CDH12: variants seen among roughly 807,000 people sequenced by gnomAD.
CDH12 encodes the protein cadherin-12.
CDH12 carries 41 observed loss-of-function variants against 74.1 expected under a neutral mutation model. The observed-to-expected ratio is 0.55, with a 90% CI of 0.43 to 0.72. The LOEUF (loss-of-function observed/expected upper bound fraction) is 0.72, where lower values mean the gene tolerates loss of function less well. Ranked by LOEUF, CDH12 falls within the 30% of genes least tolerant of loss-of-function variation. The pLI is 0.00. For missense variants in CDH12, 945 were observed against 977.2 expected (o/e 0.97, Z 0.44); for synonymous variants, 399 against 355.0 (o/e 1.12, Z -1.39).
chr5:22,810,990 T>C (rs544630265), intron 1 of CDH12, among the ~76,000 whole-genome samples: 33 of 151,812 alleles, frequency 2.2e-4, no homozygotes, highest in South Asian at 4.1e-4. Context: ...CATATGTACA[T>C]ACATACACAT....
intron 6 of CDH12, among the ~76,000 whole-genome samples, chr5:21,917,113 T>C (rs1579958152): frequency 6.6e-6 from 1 of 152,184 alleles, no homozygotes; most frequent in East Asian, 1.9e-4. Context: ...AGGTGTGGTT[T>C]AAGTACTGAA....
chr5:22,513,139 A>T (rs1029063475), intron 1 of CDH12, among the ~76,000 whole-genome samples: 2 of 152,192 alleles, frequency 1.3e-5, no homozygotes, highest in Admixed American at 6.5e-5. Context: ...AATCCCACTG[A>T]TATCTCTTGA....
chr5:22,823,213 T>C (rs1259654377), intron 1 of CDH12, among the ~76,000 whole-genome samples: 1 of 119,942 alleles, frequency 8.3e-6, no homozygotes, highest in African/African-American at 3.2e-5. Flanking sequence ...AAGGGGAACA[T>C]CACACTCCGG....
At chr5:21,781,286 A>G (rs896228922) in intron 11 of CDH12, among the ~76,000 whole-genome samples, 3 of 152,216 alleles carry the variant, frequency 2.0e-5, no homozygotes, top group African/African-American at 7.2e-5. Flanking sequence ...TTAAGAAGTT[A>G]TAAGGTCTAC....
intron 5 of CDH12, among the ~76,000 whole-genome samples, chr5:22,064,650 A>G (rs538953881): frequency 6.6e-6 from 1 of 152,308 alleles, no homozygotes; most frequent in East Asian, 1.9e-4. Context: ...AATATTTTTG[A>G]ACATTTTTGT....
Position 21,764,868 on chromosome 5 carries a change from T to C in CDH12, c.1515+110A>G, listed in dbSNP as rs1002774858. The C allele has an allele frequency of 3.4e-5, 34 of 1,001,474 alleles. No homozygotes were observed. In the African/African-American group the frequency reaches 5.4e-4, roughly 16 times the overall value. The allele number at this position is 1,001,474 out of a possible 1,614,324, so 62.0% of individuals were successfully genotyped here. On this transcript the variant is annotated intron_variant, in intron 12 of 14. Transcript: ENST00000382254. ...CTTTTATGGTTTCTTTTATGAAAGC[T>C]CTGATTCAGAAAAACAAATATATGT... is the stretch of plus-strand genomic sequence containing the variant.
Position 21,913,173 on chromosome 5 carries a change from A to G in CDH12, c.527-58383T>C, listed in dbSNP as rs568518150. Among the ~76,000 whole-genome samples the G allele has an allele frequency of 4.6e-5, 7 of 152,258 alleles. No homozygotes were observed. In the East Asian group the frequency reaches 1.2e-3, roughly 25 times the overall value. ...CTGGTTTCTATGATTCATCTTAGGGAAGATGGATTCTAGTTTCTATGGCTC... is the reference window on the plus strand; with the variant it reads ...CTGGTTTCTATGATTCATCTTAGGGGAGATGGATTCTAGTTTCTATGGCTC... On this transcript the variant is annotated intron_variant, in intron 6 of 14. Transcript: ENST00000382254.
intron 2 of CDH12, among the ~76,000 whole-genome samples, chr5:22,441,934 C>A (rs985473557): frequency 6.6e-6 from 1 of 152,070 alleles, no homozygotes; most frequent in Non-Finnish European, 1.5e-5. Flanking sequence ...AAACTCCTGA[C>A]ATCTAGTGAT....
chr5:22,850,638 A>G (rs1442785038), intron 1 of CDH12, among the ~76,000 whole-genome samples: 4 of 152,146 alleles, frequency 2.6e-5, no homozygotes, highest in Non-Finnish European at 4.4e-5. Context: ...AATTTCTGAC[A>G]TAATTACTTT....
intron 8 of CDH12, 52 bp downstream of exon 8, chr5:21,842,109 T>A: frequency 7.1e-7 from 1 of 1,410,444 alleles, no homozygotes; most frequent in South Asian, 1.4e-5. Context: ...AATGACACCA[T>A]TAAATTTTTT....
At chr5:22,548,105 A>C (rs1228500058) in intron 1 of CDH12, among the ~76,000 whole-genome samples, 1 of 152,176 alleles carries the variant, frequency 6.6e-6, no homozygotes, top group African/African-American at 2.4e-5. Flanking sequence ...AAAAACATCT[A>C]CTTTACAGGT....
intron 5 of CDH12, among the ~76,000 whole-genome samples, chr5:21,989,431 C>A (rs1005720705): frequency 4.6e-5 from 7 of 152,094 alleles, no homozygotes; most frequent in African/African-American, 1.2e-4. Context: ...TTTGACCAGA[C>A]TTTTCTCTGT....
At chr5:22,414,629 T>C (rs1210587448) in intron 2 of CDH12, among the ~76,000 whole-genome samples, 1 of 151,902 alleles carries the variant, frequency 6.6e-6, no homozygotes, top group Non-Finnish European at 1.5e-5. Context: ...TTTCAGGTAA[T>C]TTATATATTT....
At chr5:22,209,896 T>G (rs1239548300) in intron 4 of CDH12, among the ~76,000 whole-genome samples, 4 of 152,124 alleles carry the variant, frequency 2.6e-5, no homozygotes, top group South Asian at 2.1e-4. Context: ...ATAGAGTGTA[T>G]GAGTTTTAAA....
At chr5:22,573,003 G>A (rs1739613454) in intron 1 of CDH12, among the ~76,000 whole-genome samples, 1 of 152,118 alleles carries the variant, frequency 6.6e-6, no homozygotes, top group African/African-American at 2.4e-5. Context: ...ATTGAGTAAT[G>A]AAAATAGCTC....
chr5:21,890,790 A>G (rs1246034808), intron 6 of CDH12, among the ~76,000 whole-genome samples: 1 of 152,134 alleles, frequency 6.6e-6, no homozygotes, highest in Admixed American at 6.5e-5. Context: ...ATAAAAGGAC[A>G]CTAAAAAAGT....
intron 1 of CDH12, among the ~76,000 whole-genome samples, chr5:22,733,085 C>G (rs1744514232): frequency 6.6e-6 from 1 of 151,848 alleles, no homozygotes; most frequent in Admixed American, 6.6e-5. Flanking sequence ...GAAGTTATCC[C>G]TATGAAGAAT....
intron 1 of CDH12, among the ~76,000 whole-genome samples, chr5:22,698,264 G>GGCAT (rs1002897103): frequency 1.3e-5 from 2 of 150,858 alleles, no homozygotes; most frequent in Non-Finnish European, 2.9e-5. Context: ...TGGGATTACA[G>GGCAT]GCATGCATCA....
intron 3 of CDH12, among the ~76,000 whole-genome samples, chr5:22,279,802 G>C (rs1736797448): frequency 6.6e-6 from 1 of 152,112 alleles, no homozygotes; most frequent in South Asian, 2.1e-4. Context: ...TTGGTTCCAA[G>C]TCTTTGCTAT....
Sources: allele counts gnomAD v4.1 joint callset (sites outside exome capture counted in the v4.1 genomes callset), GRCh38; gene constraint gnomAD v4.1.1; transcripts MANE v1.5; gene names NCBI Gene and HGNC (gene_info 2026-07-23, HGNC 2026-07-21).